Variants in ECPAS observed in about 807,000 individuals in gnomAD.
The protein encoded by ECPAS is proteasome adapter and scaffold protein ECM29.
A neutral mutation model predicts 255.1 loss-of-function variants in ECPAS; 70 were observed. The ratio of observed to expected loss-of-function variants is 0.27; its 90% CI spans 0.23 to 0.33. The LOEUF (loss-of-function observed/expected upper bound fraction) is 0.33. ECPAS is among the 10% of genes least tolerant of loss of function. The probability of loss-of-function intolerance (pLI) is 1.00; values close to 1 mark genes in which losing one functional copy is unlikely to be tolerated. For missense variants in ECPAS, 1,817 were observed against 2,206.4 expected (o/e 0.82, Z 3.54); for synonymous variants, 784 against 775.0 (o/e 1.01, Z -0.19).
intron 23 of ECPAS, among the ~76,000 whole-genome samples, chr9:111,409,648 T>C (rs578209924): frequency 6.6e-6 from 1 of 152,106 alleles, no homozygotes; most frequent in African/African-American, 2.4e-5. Flanking sequence ...ACCTCAAAAT[T>C]GAGGTGTTTT....
intron 1 of ECPAS, among the ~76,000 whole-genome samples, chr9:111,477,865 T>C (rs2098298384): frequency 6.6e-6 from 1 of 151,310 alleles, no homozygotes; most frequent in African/African-American, 2.4e-5. Context: ...CAATAACAAG[T>C]CTCACCCCAA....
intron 2 of ECPAS, among the ~76,000 whole-genome samples, chr9:111,461,925 C>A (rs890932399): frequency 6.6e-6 from 1 of 152,162 alleles, no homozygotes; most frequent in Non-Finnish European, 1.5e-5. Context: ...ACCATCAGAT[C>A]TCCTAAGACC....
At chr9:111,442,176 C>A (rs972183030) in intron 5 of ECPAS, 130 bp downstream of exon 5, 2 of 561,706 alleles carry the variant, frequency 3.6e-6, no homozygotes, top group East Asian at 3.1e-5. Flanking sequence ...ACGGAAAATT[C>A]TATTATTTGT....
intron 2 of ECPAS, among the ~76,000 whole-genome samples, chr9:111,465,435 G>T (rs1346557956): frequency 1.3e-5 from 2 of 152,010 alleles, no homozygotes; most frequent in Non-Finnish European, 2.9e-5. Context: ...AGCTACTCGG[G>T]AAGTTGAGGC....
chr9:111,452,210 A>G (rs2098261184), intron 2 of ECPAS, among the ~76,000 whole-genome samples: 1 of 152,224 alleles, frequency 6.6e-6, no homozygotes, highest in African/African-American at 2.4e-5. Context: ...TTTGATTTTA[A>G]GGAATTACTG....
rs146589575 is a variant in ECPAS, at chr9:111,477,469, G to A, written c.-82-4469C>T. 5.9e-5 allele frequency among the ~76,000 whole-genome samples: 9 copies of A among 151,974 alleles called. No homozygotes were observed. In the East Asian group the frequency reaches 9.7e-4, roughly 16 times the overall value. On this transcript the variant is annotated intron_variant, in intron 1 of 49. Coordinates refer to ENST00000684092, the MANE Select transcript of ECPAS (RefSeq NM_001364929.1). ...CTTTCTGGATACTGCGCCTGGCCCCGATTGCCACATTTTATACACTACAGA... is the reference window on the plus strand; with the variant it reads ...CTTTCTGGATACTGCGCCTGGCCCCAATTGCCACATTTTATACACTACAGA...
intron 1 of ECPAS, among the ~76,000 whole-genome samples, chr9:111,482,134 A>AAC (rs1162888287): frequency 6.6e-6 from 1 of 152,212 alleles, no homozygotes; most frequent in Admixed American, 6.5e-5. Flanking sequence ...ATTAAAACAA[A>AAC]ACATGGAACT....
At chr9:111,456,650 A>T (rs1039790768) in intron 2 of ECPAS, among the ~76,000 whole-genome samples, 1 of 152,218 alleles carries the variant, frequency 6.6e-6, no homozygotes, top group African/African-American at 2.4e-5. Context: ...AGCTAACTCC[A>T]TATGTGACCA....
At chr9:111,439,524 C>G (rs2098242908) in intron 6 of ECPAS, among the ~76,000 whole-genome samples, 1 of 152,158 alleles carries the variant, frequency 6.6e-6, no homozygotes, top group African/African-American at 2.4e-5. Context: ...TCGGCCCCCC[C>G]TTCCCAAAGT....
intron 5 of ECPAS, among the ~76,000 whole-genome samples, chr9:111,441,668 A>G (rs1308874423): frequency 6.6e-6 from 1 of 152,238 alleles, no homozygotes; most frequent in African/African-American, 2.4e-5. Context: ...AACATCTGAC[A>G]ACAATTACAA....
At chr9:111,424,775 A>C (rs1450921399) in intron 12 of ECPAS, among the ~76,000 whole-genome samples, 2 of 152,242 alleles carry the variant, frequency 1.3e-5, no homozygotes, top group African/African-American at 2.4e-5. Context: ...AAATCCAAAT[A>C]GTCACATAGG....
chr9:111,454,098 G>A (rs1175232034), intron 2 of ECPAS, among the ~76,000 whole-genome samples: 1 of 152,106 alleles, frequency 6.6e-6, no homozygotes, highest in Non-Finnish European at 1.5e-5. Flanking sequence ...AAGTTCTCAG[G>A]AATGCTGAGT....
chr9:111,421,723 A>G (rs1255388688), intron 15 of ECPAS, among the ~76,000 whole-genome samples, 198 bp downstream of exon 15: 1 of 152,142 alleles, frequency 6.6e-6, no homozygotes, highest in Non-Finnish European at 1.5e-5. Context: ...AGCTCTAAAC[A>G]TAAGCATCGC....
At chr9:111,444,889 T>A (rs1428243927) in intron 3 of ECPAS, among the ~76,000 whole-genome samples, 1 of 152,116 alleles carries the variant, frequency 6.6e-6, no homozygotes, top group African/African-American at 2.4e-5. Flanking sequence ...TTTTGTATTT[T>A]TTCACCATGT....
chr9:111,439,907 AG>A (rs2098243440), intron 6 of ECPAS, among the ~76,000 whole-genome samples: 1 of 152,152 alleles, frequency 6.6e-6, no homozygotes, highest in South Asian at 2.1e-4. Context: ...AGCAAGGAGA[AG>A]GAAGGAGGCA....
chr9:111,396,048 A>ACT (rs2098167143), intron 25 of ECPAS, among the ~76,000 whole-genome samples: 1 of 152,224 alleles, frequency 6.6e-6, no homozygotes, highest in Non-Finnish European at 1.5e-5. Context: ...GTTAACTGTA[A>ACT]CACTAAGTGC....
At chr9:111,389,830 G>C in intron 30 of ECPAS, 107 bp from the exon 31 acceptor site, 1 of 1,265,598 alleles carries the variant, frequency 7.9e-7, no homozygotes, top group Non-Finnish European at 1.1e-6. Context: ...CTGATTTATT[G>C]GTCTTTCCAA....
At chr9:111,471,259 G>C (rs2098287712) in intron 2 of ECPAS, among the ~76,000 whole-genome samples, 1 of 152,172 alleles carries the variant, frequency 6.6e-6, no homozygotes, top group African/African-American at 2.4e-5. Flanking sequence ...TAGGAGAGAA[G>C]AAACAATGTC....
intron 2 of ECPAS, among the ~76,000 whole-genome samples, chr9:111,465,669 T>C (rs1023769553): frequency 6.6e-6 from 1 of 151,522 alleles, no homozygotes. Flanking sequence ...TGAAAGAAAA[T>C]ACATCAGTAA....
Sources: gnomAD v4.1 joint callset for allele counts (sites outside exome capture counted in the v4.1 genomes callset) on GRCh38, gnomAD v4.1.1 for gene constraint, MANE v1.5 for transcripts, NCBI Gene and HGNC (gene_info 2026-07-23, HGNC 2026-07-21) for gene names.